RIGI: variants seen among roughly 807,000 people sequenced by gnomAD.
RIGI encodes antiviral innate immune response receptor RIG-I.
At chr9:32,477,112 T>C in the RIGI span, 1 of 1,613,482 alleles carries the variant, frequency 6.2e-7, no homozygotes. Flanking sequence ...TGGAAACACT[T>C]TCTAGTTCCT....
At chr9:32,520,689 A>G in the RIGI span, among the ~76,000 whole-genome samples, 3 of 152,230 alleles carry the variant, frequency 2.0e-5, no homozygotes, top group African/African-American at 4.8e-5. Context: ...TAAATTAAAC[A>G]TTAACATCAA....
the RIGI span, among the ~76,000 whole-genome samples, chr9:32,509,310 C>T: frequency 5.9e-5 from 9 of 152,196 alleles, no homozygotes; most frequent in Non-Finnish European, 1.5e-5. Context: ...GGTGGGGAGA[C>T]ACCTCCTACC....
chr9:32,517,143 A>G, the RIGI span, among the ~76,000 whole-genome samples: 2 of 152,198 alleles, frequency 1.3e-5, no homozygotes, highest in African/African-American at 2.4e-5. Context: ...TAGTTTCCAC[A>G]TGACGTTCTT....
At chr9:32,488,526 AC>A in the RIGI span, among the ~76,000 whole-genome samples, 1 of 152,196 alleles carries the variant, frequency 6.6e-6, no homozygotes, top group Admixed American at 6.5e-5. Flanking sequence ...GAAGTCATTT[AC>A]TCCCCATAGA....
At chr9:32,485,050 A>T in the RIGI span, 1 of 653,496 alleles carries the variant, frequency 1.5e-6, no homozygotes, top group Non-Finnish European at 2.6e-6. Context: ...ACCTATAATC[A>T]AGGAAGACAA....
At chr9:32,498,813 T>A in the RIGI span, among the ~76,000 whole-genome samples, 1 of 151,832 alleles carries the variant, frequency 6.6e-6, no homozygotes, top group African/African-American at 2.4e-5. Flanking sequence ...CAAAACCCCA[T>A]CTCTACTAAA....
chr9:32,520,563 G>T, the RIGI span, among the ~76,000 whole-genome samples: 1 of 152,054 alleles, frequency 6.6e-6, no homozygotes, highest in Admixed American at 6.6e-5. Flanking sequence ...TGAGACATAG[G>T]GCTAGAAATT....
At chr9:32,526,078 G>T in the RIGI span, 1 of 1,613,660 alleles carries the variant, frequency 6.2e-7, no homozygotes, top group Non-Finnish European at 8.5e-7. Context: ...AAACCAGGGG[G>T]CCATGTAGCT....
chr9:32,471,478 G>C, the RIGI span, among the ~76,000 whole-genome samples: 1 of 152,118 alleles, frequency 6.6e-6, no homozygotes, highest in South Asian at 2.1e-4. Flanking sequence ...TAAAAATAAT[G>C]ATTAAAAGGT....
the RIGI span, among the ~76,000 whole-genome samples, chr9:32,461,054 A>G: frequency 6.6e-6 from 1 of 152,188 alleles, no homozygotes; most frequent in African/African-American, 2.4e-5. Context: ...GAAAAAAAAA[A>G]AAAAATGACA....
chr9:32,477,958 T>A, the RIGI span, among the ~76,000 whole-genome samples: 1 of 152,102 alleles, frequency 6.6e-6, no homozygotes, highest in African/African-American at 2.4e-5. Flanking sequence ...ATACATATAG[T>A]TATAAAACAG....
At chr9:32,491,467 T>C in the RIGI span, 7 of 1,479,362 alleles carry the variant, frequency 4.7e-6, no homozygotes, top group South Asian at 1.3e-5. Flanking sequence ...AATCTGATTA[T>C]AGTTTTGATG....
At chr9:32,524,613 T>C in the RIGI span, among the ~76,000 whole-genome samples, 3 of 136,344 alleles carry the variant, frequency 2.2e-5, no homozygotes, top group African/African-American at 8.4e-5. Context: ...TTTTTTTTTT[T>C]TTTTTTTTTT....
chr9:32,521,042 G>C, the RIGI span, among the ~76,000 whole-genome samples: 3 of 150,102 alleles, frequency 2.0e-5, no homozygotes, highest in Non-Finnish European at 4.4e-5. Flanking sequence ...CTACTAGGGA[G>C]GTTGAGGCAG....
the RIGI span, among the ~76,000 whole-genome samples, chr9:32,498,009 GC>G: frequency 6.6e-6 from 1 of 152,138 alleles, no homozygotes; most frequent in Non-Finnish European, 1.5e-5. Flanking sequence ...GAGAAACAGT[GC>G]TTTCTCTGAT....
the RIGI span, chr9:32,472,963 A>G: frequency 1.9e-6 from 3 of 1,591,246 alleles, no homozygotes; most frequent in Non-Finnish European, 2.6e-6. Flanking sequence ...CTAATTCACT[A>G]TATATAAATA....
chr9:32,525,831 G>A, the RIGI span, among the ~76,000 whole-genome samples: 3 of 152,062 alleles, frequency 2.0e-5, no homozygotes, highest in East Asian at 1.9e-4. Flanking sequence ...CTAAATAGAT[G>A]AGCACCCTTA....
chr9:32,461,893 A>C, the RIGI span, among the ~76,000 whole-genome samples: 18 of 152,312 alleles, frequency 1.2e-4, no homozygotes, highest in Non-Finnish European at 2.1e-4. Flanking sequence ...TATGCTTTCA[A>C]TATGGTTTGT....
the RIGI span, chr9:32,468,035 G>A: frequency 9.7e-6 from 10 of 1,030,780 alleles, no homozygotes; most frequent in East Asian, 2.5e-4. Flanking sequence ...GCCAAGTACT[G>A]TGATAAGTAC....
Sources: gnomAD v4.1 joint callset for allele counts (sites outside exome capture counted in the v4.1 genomes callset) on GRCh38, gnomAD v4.1.1 for gene constraint, MANE v1.5 for transcripts, NCBI Gene and HGNC (gene_info 2026-07-23, HGNC 2026-07-21) for gene names.